FDFT1: variants seen among roughly 807,000 people sequenced by gnomAD.
FDFT1 encodes the protein farnesyl-diphosphate farnesyltransferase 1, also known as squalene synthase.
Under a neutral mutation model 46.8 loss-of-function variants are expected in FDFT1, and 68 were observed. That is an observed-to-expected ratio of 1.45 (90% CI 1.19 to 1.78). FDFT1 has a LOEUF of 1.78. Ranked by LOEUF, FDFT1 falls within the 40% of genes most tolerant of loss-of-function variation. The probability of loss-of-function intolerance (pLI) is 0.00; values close to 1 mark genes in which losing one functional copy is unlikely to be tolerated. For synonymous variants in FDFT1, 351 were observed against 185.1 expected, an observed-to-expected ratio of 1.90 and a Z score of -7.28; for missense variants, 928 against 524.4, an observed-to-expected ratio of 1.77 and a Z score of -7.52.
chr8:11,801,862 T>G (rs894865367), upstream of FDFT1: 5 of 425,578 alleles, frequency 1.2e-5, no homozygotes, highest in East Asian at 3.5e-4. Context: ...CTCGGCTTTT[T>G]TGTATTTTTA....
intron 3 of FDFT1, among the ~76,000 whole-genome samples, chr8:11,818,917 C>CCCATTAAT (rs1808835686): frequency 6.6e-6 from 1 of 152,122 alleles, no homozygotes; most frequent in Non-Finnish European, 1.5e-5. Context: ...GGTTATTTTG[C>CCCATTAAT]CCATTAATTG....
At chr8:11,822,502 T>C (rs1228603520) in intron 4 of FDFT1, among the ~76,000 whole-genome samples, 1 of 152,232 alleles carries the variant, frequency 6.6e-6, no homozygotes, top group Non-Finnish European at 1.5e-5. Flanking sequence ...CAATGACTGC[T>C]AGAAATCAAT....
intron 3 of FDFT1, among the ~76,000 whole-genome samples, chr8:11,813,352 G>C (rs569231132): frequency 6.6e-6 from 1 of 152,218 alleles, no homozygotes; most frequent in East Asian, 1.9e-4. Flanking sequence ...CACTTATTGA[G>C]CATTTTACTA....
intron 7 of FDFT1, among the ~76,000 whole-genome samples, chr8:11,836,541 A>C (rs1264759725): frequency 6.6e-6 from 1 of 152,212 alleles, no homozygotes; most frequent in African/African-American, 2.4e-5. Flanking sequence ...AGCCAACTCA[A>C]CACATCCTTG....
chr8:11,827,047 A>G (rs1276933872), intron 5 of FDFT1, among the ~76,000 whole-genome samples: 1 of 152,204 alleles, frequency 6.6e-6, no homozygotes, highest in African/African-American at 2.4e-5. Flanking sequence ...TGGACAGGGA[A>G]CAGAAAGCTT....
intron 1 of FDFT1, among the ~76,000 whole-genome samples, chr8:11,805,756 A>G (rs779866554): frequency 9.2e-5 from 14 of 152,338 alleles, no homozygotes; most frequent in East Asian, 1.9e-4. Flanking sequence ...TGCTAAAGAA[A>G]TAATTATGAG....
intron 1 of FDFT1, chr8:11,803,603 C>A: frequency 4.8e-6 from 3 of 621,600 alleles, no homozygotes; most frequent in Non-Finnish European, 6.7e-6. Flanking sequence ...GTTTTTATTC[C>A]AACAAGAAAA....
chr8:11,824,086 C>G (rs749614601), intron 4 of FDFT1, among the ~76,000 whole-genome samples: 1 of 152,126 alleles, frequency 6.6e-6, no homozygotes, highest in Non-Finnish European at 1.5e-5. Context: ...TGGTCTAAAA[C>G]TCTTGGGCTC....
intron 5 of FDFT1, among the ~76,000 whole-genome samples, chr8:11,828,521 C>T (rs1186122494): frequency 6.6e-6 from 1 of 152,208 alleles, no homozygotes; most frequent in Non-Finnish European, 1.5e-5. Flanking sequence ...CCTAGGCCAG[C>T]CCCTGACCAC....
upstream of FDFT1, among the ~76,000 whole-genome samples, chr8:11,799,444 C>T (rs1340610480): frequency 1.3e-5 from 2 of 152,340 alleles, no homozygotes; most frequent in East Asian, 3.9e-4. Context: ...GTAGGGGTGC[C>T]TGACTTCACC....
intron 7 of FDFT1, among the ~76,000 whole-genome samples, chr8:11,833,402 A>G (rs977311581): frequency 2.6e-5 from 4 of 152,226 alleles, no homozygotes; most frequent in Admixed American, 2.0e-4. Flanking sequence ...ATCCTGCTAT[A>G]TTAAGCACTA....
chr8:11,830,914 A>G (rs1324240406), intron 6 of FDFT1, among the ~76,000 whole-genome samples: 1 of 152,148 alleles, frequency 6.6e-6, no homozygotes, highest in East Asian at 1.9e-4. Flanking sequence ...ACTGCAAATA[A>G]GTGAAGAAAG....
At chr8:11,822,678 G>C (rs1394605736) in intron 4 of FDFT1, among the ~76,000 whole-genome samples, 2 of 152,090 alleles carry the variant, frequency 1.3e-5, no homozygotes, top group Non-Finnish European at 2.9e-5. Context: ...CAGGGAATTG[G>C]TGGCATGTGC....
chr8:11,821,535 G>T (rs1000069977), intron 3 of FDFT1, among the ~76,000 whole-genome samples: 1 of 152,194 alleles, frequency 6.6e-6, no homozygotes, highest in African/African-American at 2.4e-5. Context: ...AGTTTGCAGT[G>T]AGCTGAGATC....
chr8:11,821,807 T>G lies in FDFT1; in HGVS notation c.439T>G (p.Cys147Gly), dbSNP rs1467434895. The G allele has an allele frequency of 1.2e-6, 2 of 1,613,702 alleles. No homozygotes were observed. The highest frequency in any genetic ancestry group is 1.3e-5 in the African/African-American group (1 of 74,934). The change falls in exon 4 of 8, where the codon TGC becomes GGC. Residue 147 changes from cysteine to glycine, a missense_variant. Physicochemically the swap from Cys to Gly is radical, Grantham distance 159 (BLOSUM62 -3). Transcript: ENST00000220584. ...ATACCAAACAGTGATTGCCGACATT[T>G]GCCGGAGAATGGGCATTGGGATGGC... Reference protein sequence around the residue: ...EKYQTVIADICRRMGIGMAEF... With the variant: ...EKYQTVIADIGRRMGIGMAEF...
chr8:11,799,270 T>G (rs1805866292), upstream of FDFT1, among the ~76,000 whole-genome samples: 1 of 152,232 alleles, frequency 6.6e-6, no homozygotes, highest in Non-Finnish European at 1.5e-5. Context: ...ATCAATCTCT[T>G]GACCAGTCAA....
upstream of FDFT1, among the ~76,000 whole-genome samples, chr8:11,798,362 G>A (rs562601353): frequency 6.6e-6 from 1 of 152,278 alleles, no homozygotes; most frequent in Admixed American, 6.5e-5. Context: ...ACCCAGCCCA[G>A]TGTGTGTTTT....
At chr8:11,834,740 C>A (rs1811309396) in intron 7 of FDFT1, among the ~76,000 whole-genome samples, 1 of 152,174 alleles carries the variant, frequency 6.6e-6, no homozygotes, top group African/African-American at 2.4e-5. Context: ...GTGGAAGTAC[C>A]ACATGGACTC....
chr8:11,837,370 CA>C (rs1563349088), intron 7 of FDFT1, among the ~76,000 whole-genome samples: 3 of 152,162 alleles, frequency 2.0e-5, no homozygotes, highest in African/African-American at 7.2e-5. Flanking sequence ...GCTGGGGGAC[CA>C]CAGGTGCATG....
Sources: allele counts gnomAD v4.1 joint callset (sites outside exome capture counted in the v4.1 genomes callset), GRCh38; gene constraint gnomAD v4.1.1; transcripts MANE v1.5; gene names NCBI Gene and HGNC (gene_info 2026-07-23, HGNC 2026-07-21).